Variants in IRAG2 observed in about 807,000 individuals in gnomAD.
IRAG2 encodes the protein lymphoid restricted membrane protein.
Under a neutral mutation model 69.9 loss-of-function variants are expected in IRAG2, and 45 were observed. The observed-to-expected ratio is 0.64, with a 90% CI of 0.51 to 0.83. The LOEUF is 0.83. Ranked by LOEUF, IRAG2 falls within the 40% of genes least tolerant of loss-of-function variation. The pLI, the probability that IRAG2 is intolerant of heterozygous loss-of-function variation, is 0.00. For missense variants in IRAG2, 520 were observed against 587.0 expected (o/e 0.89, Z 1.18); for synonymous variants, 193 against 202.4 (o/e 0.95, Z 0.40).
At chr12:25,050,231 A>G (rs1050757401), upstream of IRAG2, among the ~76,000 whole-genome samples, 1 of 151,804 alleles carries the variant, frequency 6.6e-6, no homozygotes, top group Admixed American at 6.6e-5. Context: ...TGCAGGCACT[A>G]TAGAAAATGT....
chr12:25,059,832 C>T (rs577148173), intron 1 of IRAG2, among the ~76,000 whole-genome samples: 90 of 152,212 alleles, frequency 5.9e-4, no homozygotes, highest in African/African-American at 2.1e-3. Flanking sequence ...TAATTTTCTA[C>T]ATAATTGAAG....
At chr12:25,067,030 T>C (rs1427131351) in intron 5 of IRAG2, among the ~76,000 whole-genome samples, 2 of 152,198 alleles carry the variant, frequency 1.3e-5, no homozygotes, top group Non-Finnish European at 2.9e-5. Flanking sequence ...AATTTCATAA[T>C]ACCACTCTAA....
chr12:25,012,374 C>T (rs1201437765), intron 3 of IRAG2, among the ~76,000 whole-genome samples: 1 of 151,056 alleles, frequency 6.6e-6, no homozygotes, highest in Non-Finnish European at 1.5e-5. Context: ...AGGCTGGTCT[C>T]GAACTCCTGA....
In IRAG2 at chr12:25,079,419, A is replaced by T; in HGVS notation, c.93A>T (p.Leu31Phe). Reference sequence around the variant, plus strand: ...GCAGGGAATATTCCTCACTACCATTACCCAGACACACTTCATCGACAGACG... The same window carrying T: ...GCAGGGAATATTCCTCACTACCATTTCCCAGACACACTTCATCGACAGACG... ...LQSREYSSLP[L>F]PRHTSSTDGT... is the part of the protein sequence containing the mutation. Residue 31 changes from leucine (L) to phenylalanine (F), a missense_variant, in exon 8 of 22, where the codon TTA (leucine) becomes TTT (phenylalanine). By Grantham distance (22) the Leu-to-Phe change is conservative. Coordinates refer to ENST00000556887, the MANE Select transcript of IRAG2 (RefSeq NM_001366544.2). 6.2e-7 allele frequency: 1 copy of T among 1,613,814 alleles called. No homozygotes were observed. Among genetic ancestry groups the T allele is most frequent in the Non-Finnish European group, 8.5e-7 (1 of 1,179,716 alleles).
chr12:25,085,297 C>T (rs1027863477), intron 10 of IRAG2, among the ~76,000 whole-genome samples: 7 of 152,130 alleles, frequency 4.6e-5, no homozygotes, highest in Non-Finnish European at 8.8e-5. Context: ...AGGTGGCTCT[C>T]AGTAAGATGG....
intron 3 of IRAG2, among the ~76,000 whole-genome samples, chr12:25,014,833 C>T (rs936793258): frequency 2.0e-4 from 30 of 151,282 alleles, no homozygotes; most frequent in African/African-American, 6.3e-4. Flanking sequence ...ATTTCCTAAT[C>T]CACCGAGACC....
chr12:25,035,513 G>A (rs2139852885), intron 13 of IRAG2: 1 of 395,986 alleles, frequency 2.5e-6, no homozygotes, highest in East Asian at 3.6e-5. Flanking sequence ...TTTTTAGGAT[G>A]TAGGAGAATT....
intron 9 of IRAG2, among the ~76,000 whole-genome samples, chr12:25,028,174 C>T (rs1944639411): frequency 6.6e-6 from 1 of 152,202 alleles, no homozygotes. Context: ...ATCTGCCCGC[C>T]TCAGCCTCCC....
intron 16 of IRAG2, among the ~76,000 whole-genome samples, chr12:25,041,657 GTTTTGTTTTT>G (rs753983196): frequency 6.0e-5 from 8 of 133,082 alleles, no homozygotes; most frequent in African/African-American, 1.1e-4. Flanking sequence ...GCTCCGCTAA[GTTTTGTTTTT>G]TTTTGTTTTT....
upstream of IRAG2, among the ~76,000 whole-genome samples, chr12:25,003,328 A>T (rs1255389278): frequency 3.3e-5 from 5 of 152,162 alleles, no homozygotes; most frequent in Non-Finnish European, 7.4e-5. Context: ...TGCCTAGAGT[A>T]TTTAAAAAAT....
chr12:25,050,558 A>C (rs1429038106), upstream of IRAG2, among the ~76,000 whole-genome samples: 2 of 148,148 alleles, frequency 1.3e-5, no homozygotes, highest in Admixed American at 6.8e-5. Context: ...CAAACAAAAA[A>C]AAACAGTTAC....
At chr12:25,054,285 G>A (rs112585907) in intron 1 of IRAG2, among the ~76,000 whole-genome samples, 7 of 152,256 alleles carry the variant, frequency 4.6e-5, no homozygotes, top group Admixed American at 3.3e-4. Flanking sequence ...GATTAGAACT[G>A]TTCATGTTGA....
At position 25,088,028 on chromosome 12, in the gene IRAG2, C is replaced by CACGAAGT. The variant is rs745449526; in HGVS notation, c.316-71_316-70insCGAAGTA. 76 of 1,116,782 alleles carry CACGAAGT rather than the reference C, an allele frequency of 6.8e-5. No homozygotes were observed. The Middle Eastern group carries it at 1.4e-3, about 21-fold the overall frequency. 69.2% of individuals were successfully genotyped at this position (1,116,782 alleles called of 1,614,324 possible). A position where few individuals can be genotyped will look rare whatever the true frequency, so the allele number is the denominator to read the frequency against. On this transcript the variant is annotated intron_variant, in intron 10 of 21. Coordinates refer to ENST00000556887, the MANE Select transcript of IRAG2 (RefSeq NM_001366544.2). ...TTGTCAGAGTAGGCTTAGGAGAGGA[C>CACGAAGT]AGGAAGTAGGAAAATGACTGGTTAT...
Position 25,066,948 on chromosome 12 carries a change from C to A in IRAG2, c.-59+436C>A, listed in dbSNP as rs547157403. On this transcript the variant is annotated intron_variant, in intron 5 of 21. Transcript: ENST00000556887. ...TACAGGTGTGAGCCACCACGCCCAGCCGAAAATTTACAATTTTGAGATAAA... is the reference window on the plus strand; with the variant it reads ...TACAGGTGTGAGCCACCACGCCCAGACGAAAATTTACAATTTTGAGATAAA... 3.9e-5 allele frequency among the ~76,000 whole-genome samples: 6 copies of A among 152,102 alleles called. No homozygotes were observed. The East Asian group carries it at 7.7e-4, about 20-fold the overall frequency.
intron 8 of IRAG2, among the ~76,000 whole-genome samples, chr12:25,025,786 A>G (rs1944616916): frequency 2.0e-5 from 3 of 152,192 alleles, no homozygotes; most frequent in African/African-American, 7.2e-5. Flanking sequence ...ATCCAAAGAT[A>G]TTTGTTATGT....
At chr12:25,015,366 T>C (rs1944518861) in exon 5 of IRAG2, 1 of 1,232,014 alleles carries the variant, frequency 8.1e-7, no homozygotes, top group East Asian at 3.2e-5. Flanking sequence ...TGAGCACAGA[T>C]ATAACAGATT....
intron 1 of IRAG2, among the ~76,000 whole-genome samples, chr12:25,059,241 C>G (rs1003500625): frequency 6.6e-6 from 1 of 151,204 alleles, no homozygotes; most frequent in Non-Finnish European, 1.5e-5. Context: ...GAGCACAGGG[C>G]CTTCCTTCTT....
intron 12 of IRAG2, among the ~76,000 whole-genome samples, chr12:25,033,463 C>G (rs973278522): frequency 4.6e-5 from 7 of 152,164 alleles, no homozygotes; most frequent in African/African-American, 1.7e-4. Context: ...AAGTGCATTA[C>G]CGATATAAAG....
At chr12:25,011,228 A>G in intron 2 of IRAG2, 2 of 658,334 alleles carry the variant, frequency 3.0e-6, no homozygotes, top group Non-Finnish European at 2.1e-6. Context: ...GTTCTTTACA[A>G]TATACCATGC....
Sources: gnomAD v4.1 joint callset for allele counts (sites outside exome capture counted in the v4.1 genomes callset) on GRCh38, gnomAD v4.1.1 for gene constraint, MANE v1.5 for transcripts, NCBI Gene and HGNC (gene_info 2026-07-23, HGNC 2026-07-21) for gene names.